Variants in PPM1L observed in about 807,000 individuals in gnomAD.
PPM1L encodes protein phosphatase, Mg2+/Mn2+ dependent 1L, also known as protein phosphatase 1L.
A neutral mutation model predicts 31.4 loss-of-function variants in PPM1L; 13 were observed. The observed-to-expected ratio is 0.41, with a 90% CI of 0.27 to 0.66. The LOEUF (loss-of-function observed/expected upper bound fraction) is 0.66. PPM1L is among the 30% of genes least tolerant of loss of function. PPM1L has a pLI of 0.29. For synonymous variants in PPM1L, 184 were observed against 175.4 expected (o/e 1.05, Z -0.39); for missense variants, 326 against 453.7 (o/e 0.72, Z 2.56).
chr3:161,018,831 G>A (rs747986756), intron 2 of PPM1L, among the ~76,000 whole-genome samples: 6 of 152,130 alleles, frequency 3.9e-5, no homozygotes, highest in Non-Finnish European at 7.3e-5. Flanking sequence ...TTGGCATCTC[G>A]GCATTCCAGG....
chr3:160,954,034 A>AT (rs976471410), intron 1 of PPM1L, among the ~76,000 whole-genome samples: 4 of 151,596 alleles, frequency 2.6e-5, no homozygotes, highest in East Asian at 1.9e-4. Flanking sequence ...TAAAAAATTA[A>AT]TTTTTTTTTC....
chr3:161,055,516 C>T (rs73875446), intron 2 of PPM1L, among the ~76,000 whole-genome samples: 140 of 152,222 alleles, frequency 9.2e-4, no homozygotes, highest in African/African-American at 3.3e-3. Flanking sequence ...GTTATCAGGC[C>T]TTGATGTCAT....
intron 1 of PPM1L, among the ~76,000 whole-genome samples, chr3:160,825,087 G>T (rs897274437): frequency 6.6e-6 from 1 of 152,088 alleles, no homozygotes; most frequent in Non-Finnish European, 1.5e-5. Flanking sequence ...GCTCAGCCAC[G>T]TGTAACATCC....
At chr3:161,024,281 A>G (rs1365870130) in intron 2 of PPM1L, among the ~76,000 whole-genome samples, 2 of 151,902 alleles carry the variant, frequency 1.3e-5, no homozygotes, top group Non-Finnish European at 2.9e-5. Flanking sequence ...AAAAAAAAAA[A>G]AGATTTTTGG....
intron 1 of PPM1L, among the ~76,000 whole-genome samples, chr3:160,955,262 C>T (rs1055976466): frequency 1.3e-5 from 2 of 152,014 alleles, no homozygotes; most frequent in African/African-American, 4.8e-5. Flanking sequence ...CTGCCTGCCT[C>T]GGCCTCCCAA....
At chr3:160,843,360 C>A (rs1037749021) in intron 1 of PPM1L, among the ~76,000 whole-genome samples, 33 of 141,142 alleles carry the variant, frequency 2.3e-4, no homozygotes, top group Non-Finnish European at 4.4e-4. Context: ...GAATGAGGCC[C>A]AACAAAAATT....
chr3:160,935,881 G>T (rs372397012), intron 1 of PPM1L, among the ~76,000 whole-genome samples: 3 of 152,276 alleles, frequency 2.0e-5, no homozygotes, highest in African/African-American at 7.2e-5. Flanking sequence ...CAGTAAAGCT[G>T]GCAATCCCAG....
At chr3:161,030,552 G>A (rs1033607602) in intron 2 of PPM1L, among the ~76,000 whole-genome samples, 2 of 152,076 alleles carry the variant, frequency 1.3e-5, no homozygotes, top group Non-Finnish European at 2.9e-5. Context: ...AATGGACTAC[G>A]ACAACAACCT....
At position 161,063,841 on chromosome 3, in the gene PPM1L, A is replaced by T. The variant is rs147142232; in HGVS notation, c.575-1562A>T. Reference sequence around the variant, plus strand: ...ACACCACGGAATACTATGCAGCCATAAAAAAGGATGAATTCATGTCCTTTG... The same window carrying T: ...ACACCACGGAATACTATGCAGCCATTAAAAAGGATGAATTCATGTCCTTTG... On this transcript the variant is annotated intron_variant, in intron 2 of 3. Coordinates refer to ENST00000498165, the MANE Select transcript of PPM1L (RefSeq NM_139245.4). 6.2e-4 allele frequency among the ~76,000 whole-genome samples: 94 copies of T among 152,354 alleles called. No individual in the cohort carries two copies. In the East Asian group the frequency reaches 0.014, roughly 22 times the overall value.
At chr3:160,854,627 CATACACCCCTAGGA>C (rs1432449402) in intron 1 of PPM1L, among the ~76,000 whole-genome samples, 1 of 151,950 alleles carries the variant, frequency 6.6e-6, no homozygotes, top group Non-Finnish European at 1.5e-5. Context: ...CATACACACA[CATACACCCCTAGGA>C]ATACGGCAGA....
chr3:160,995,255 C>T (rs982897271), intron 2 of PPM1L, among the ~76,000 whole-genome samples: 1 of 152,062 alleles, frequency 6.6e-6, no homozygotes, highest in East Asian at 1.9e-4. Flanking sequence ...TTTTTTCAGT[C>T]CGCTATGAAG....
intron 2 of PPM1L, among the ~76,000 whole-genome samples, chr3:161,033,616 G>C (rs1234284501): frequency 6.6e-6 from 1 of 151,778 alleles, no homozygotes; most frequent in Admixed American, 6.6e-5. Flanking sequence ...TAATAAATGG[G>C]GTTGGGATAA....
chr3:161,047,510 C>T (rs1172575683), intron 2 of PPM1L, among the ~76,000 whole-genome samples: 1 of 152,142 alleles, frequency 6.6e-6, no homozygotes, highest in Admixed American at 6.6e-5. Context: ...TGCCATACTG[C>T]CCAAGGTAAT....
At chr3:161,046,104 C>A (rs1719054443) in intron 2 of PPM1L, among the ~76,000 whole-genome samples, 1 of 52,312 alleles carries the variant, frequency 1.9e-5, no homozygotes. Flanking sequence ...GAGCGAGACT[C>A]TGTCTCAAAA....
At chr3:160,908,038 G>T (rs1713822154) in intron 1 of PPM1L, among the ~76,000 whole-genome samples, 2 of 152,124 alleles carry the variant, frequency 1.3e-5, no homozygotes, top group Non-Finnish European at 1.5e-5. Context: ...ATTCTGAAGG[G>T]GCAAAAGGAG....
At chr3:160,891,712 G>A (rs1362931042) in intron 1 of PPM1L, among the ~76,000 whole-genome samples, 3 of 152,190 alleles carry the variant, frequency 2.0e-5, no homozygotes, top group Non-Finnish European at 2.9e-5. Flanking sequence ...GTTTATTGCA[G>A]CACTATTTAC....
intron 2 of PPM1L, among the ~76,000 whole-genome samples, chr3:161,047,205 C>G (rs1365319745): frequency 6.6e-6 from 1 of 152,166 alleles, no homozygotes; most frequent in Non-Finnish European, 1.5e-5. Flanking sequence ...CATCTCAGCC[C>G]AAAATCTCCT....
chr3:160,825,309 T>G (rs919781243), intron 1 of PPM1L, among the ~76,000 whole-genome samples: 1 of 152,114 alleles, frequency 6.6e-6, no homozygotes, highest in Non-Finnish European at 1.5e-5. Context: ...ATTAATAATA[T>G]TAACAAATTG....
intron 1 of PPM1L, among the ~76,000 whole-genome samples, chr3:160,934,649 A>G (rs960037909): frequency 6.6e-6 from 1 of 152,066 alleles, no homozygotes; most frequent in African/African-American, 2.4e-5. Context: ...TTACCAATAT[A>G]CTATAAATAT....
Sources: gnomAD v4.1 joint callset for allele counts (sites outside exome capture counted in the v4.1 genomes callset) on GRCh38, gnomAD v4.1.1 for gene constraint, MANE v1.5 for transcripts, NCBI Gene and HGNC (gene_info 2026-07-23, HGNC 2026-07-21) for gene names.